Variants in MICU2 observed in about 807,000 individuals in gnomAD.
The protein encoded by MICU2 is mitochondrial calcium uptake 2.
In MICU2, 64 loss-of-function variants were observed where a neutral mutation model predicts 60.4. That is an observed-to-expected ratio of 1.06 (90% CI 0.87 to 1.31). The LOEUF (loss-of-function observed/expected upper bound fraction) is 1.31. Ranked by LOEUF, MICU2 falls within the 50% of genes most tolerant of loss-of-function variation. The pLI, the probability that MICU2 is intolerant of heterozygous loss-of-function variation, is 0.00. For synonymous variants in MICU2, 201 were observed against 175.0 expected (o/e 1.15, Z -1.17); for missense variants, 569 against 531.0 (o/e 1.07, Z -0.70).
intron 2 of MICU2, among the ~76,000 whole-genome samples, chr13:21,557,746 T>C (rs949088954): frequency 6.6e-6 from 1 of 152,162 alleles, no homozygotes; most frequent in African/African-American, 2.4e-5. Context: ...AAAATGAAGA[T>C]GAAGTACATC....
intron 2 of MICU2, among the ~76,000 whole-genome samples, chr13:21,549,011 C>A (rs1887483366): frequency 6.8e-6 from 1 of 146,588 alleles, no homozygotes; most frequent in South Asian, 2.2e-4. Flanking sequence ...ACCGCAAGCT[C>A]TGCCTCCTGG....
At chr13:21,572,388 G>A (rs575145962) in intron 1 of MICU2, among the ~76,000 whole-genome samples, 4 of 152,302 alleles carry the variant, frequency 2.6e-5, no homozygotes, top group Admixed American at 6.5e-5. Flanking sequence ...GGGGTAAGGC[G>A]AATGGTTACA....
intron 4 of MICU2, among the ~76,000 whole-genome samples, chr13:21,537,471 T>C (rs1887159324): frequency 8.7e-4 from 1 of 1,154 alleles, no homozygotes; most frequent in African/African-American, 1.1e-3. Flanking sequence ...CTTTCTTTCT[T>C]TTTTTTTTTT....
intron 8 of MICU2, among the ~76,000 whole-genome samples, chr13:21,505,878 C>T (rs1002140832): frequency 2.0e-5 from 3 of 152,130 alleles, no homozygotes; most frequent in Non-Finnish European, 4.4e-5. Context: ...AAGACACTTA[C>T]CTCACCTTGT....
intron 2 of MICU2, among the ~76,000 whole-genome samples, chr13:21,546,657 G>C (rs1887426304): frequency 6.6e-6 from 1 of 152,198 alleles, no homozygotes; most frequent in Admixed American, 6.5e-5. Context: ...AGTTTTAGCA[G>C]AGGAGGCTGA....
In MICU2 at chr13:21,555,236, A is replaced by T. The variant is rs1887674259; in HGVS notation, c.358+11561T>A. ...CAACAAAAAAAGAGAATTTTAGACC[A>T]ATATCCTTGATGAACACTGATGCAA... On this transcript the variant is annotated intron_variant, in intron 2 of 11. Coordinates refer to ENST00000382374, the MANE Select transcript of MICU2 (RefSeq NM_152726.3). Among the ~76,000 whole-genome samples, 3 of 152,252 alleles carry T rather than the reference A, an allele frequency of 2.0e-5. No individual in the cohort carries two copies. The South Asian group carries it at 6.2e-4, about 31-fold the overall frequency.
At chr13:21,578,125 C>A (rs1888268430) in intron 1 of MICU2, among the ~76,000 whole-genome samples, 1 of 152,160 alleles carries the variant, frequency 6.6e-6, no homozygotes, top group Non-Finnish European at 1.5e-5. Flanking sequence ...TTTATCAAAG[C>A]CGTAGTAACC....
Position 21,563,379 on chromosome 13 carries a change from C to A in MICU2, c.358+3418G>T, listed in dbSNP as rs9552452. 5.6e-3 allele frequency among the ~76,000 whole-genome samples: 856 copies of A among 151,740 alleles called. 6 individuals are homozygous for A. Among genetic ancestry groups the A allele is most frequent in the African/African-American group, 0.019 (772 of 41,356 alleles). On this transcript the variant is annotated intron_variant, in intron 2 of 11. Coordinates refer to ENST00000382374, the MANE Select transcript of MICU2 (RefSeq NM_152726.3). ...CTGAGGCAGGAGAATGGCATGAACC[C>A]GGGAGGTGGAGCTTACAGTGAGCCA...
intron 1 of MICU2, among the ~76,000 whole-genome samples, chr13:21,580,476 T>G (rs1433209286): frequency 6.6e-6 from 1 of 150,688 alleles, no homozygotes; most frequent in Non-Finnish European, 1.5e-5. Flanking sequence ...CCTAGTTAGA[T>G]CTTGGGAAGA....
intron 9 of MICU2, among the ~76,000 whole-genome samples, chr13:21,499,038 C>T (rs1017321543): frequency 6.6e-6 from 1 of 152,044 alleles, no homozygotes; most frequent in African/African-American, 2.4e-5. Context: ...AGAACCTCCG[C>T]CTCCCTCATT....
At chr13:21,587,927 C>G (rs1888493921) in intron 1 of MICU2, among the ~76,000 whole-genome samples, 1 of 152,122 alleles carries the variant, frequency 6.6e-6, no homozygotes, top group Non-Finnish European at 1.5e-5. Flanking sequence ...TCAAAGAAGT[C>G]AGACTTTGAA....
At chr13:21,602,178 CTG>C (rs1888835269) in intron 1 of MICU2, among the ~76,000 whole-genome samples, 1 of 151,292 alleles carries the variant, frequency 6.6e-6, no homozygotes, top group South Asian at 2.1e-4. Context: ...GAAGGGTACA[CTG>C]TGTGGTTAAA....
chr13:21,545,529 A>G (rs1199546164), intron 2 of MICU2, among the ~76,000 whole-genome samples: 2 of 152,172 alleles, frequency 1.3e-5, no homozygotes, highest in Non-Finnish European at 2.9e-5. Context: ...AAAAAATACA[A>G]AAATTGATGG....
chr13:21,544,532 A>AAAAAAAAAAAAAAAC (rs560934524), intron 2 of MICU2, among the ~76,000 whole-genome samples: 10 of 132,586 alleles, frequency 7.5e-5, no homozygotes, highest in Non-Finnish European at 1.1e-4. Context: ...AAAAAAAAAA[A>AAAAAAAAAAAAAAAC]AACTCAATAC....
At chr13:21,505,410 A>G (rs1886268389) in intron 8 of MICU2, among the ~76,000 whole-genome samples, 1 of 152,136 alleles carries the variant, frequency 6.6e-6, no homozygotes, top group African/African-American at 2.4e-5. Context: ...CCCCAGAACA[A>G]TACGTAGTAG....
chr13:21,590,360 G>A (rs1593359036), intron 1 of MICU2, among the ~76,000 whole-genome samples: 1 of 152,170 alleles, frequency 6.6e-6, no homozygotes, highest in East Asian at 1.9e-4. Context: ...ATAAGCGAAG[G>A]AGAAATAAAA....
chr13:21,594,388 T>G (rs1354452489), intron 1 of MICU2, among the ~76,000 whole-genome samples: 1 of 152,196 alleles, frequency 6.6e-6, no homozygotes, highest in African/African-American at 2.4e-5. Context: ...CAATAGATAC[T>G]GGCAAGGCTA....
chr13:21,558,406 C>T (rs970593966), intron 2 of MICU2, among the ~76,000 whole-genome samples: 1 of 152,196 alleles, frequency 6.6e-6, no homozygotes, highest in Non-Finnish European at 1.5e-5. Flanking sequence ...TTATAGCTGT[C>T]TCTTTCCCTA....
At chr13:21,529,925 C>G (rs1886946137) in intron 4 of MICU2, among the ~76,000 whole-genome samples, 1 of 152,018 alleles carries the variant, frequency 6.6e-6, no homozygotes, top group South Asian at 2.1e-4. Flanking sequence ...GGTTGAGACC[C>G]CAATCAGCGT....
Sources: allele counts gnomAD v4.1 joint callset (sites outside exome capture counted in the v4.1 genomes callset), GRCh38; gene constraint gnomAD v4.1.1; transcripts MANE v1.5; gene names NCBI Gene and HGNC (gene_info 2026-07-23, HGNC 2026-07-21).